Variants in EYA4 observed in about 807,000 individuals in gnomAD.
EYA4 encodes protein phosphatase EYA4.
EYA4 carries 31 observed loss-of-function variants against 87.9 expected under a neutral mutation model. The observed-to-expected ratio is 0.35, with a 90% confidence interval of 0.27 to 0.48. The LOEUF is 0.48. EYA4 is among the 20% of genes least tolerant of loss of function. EYA4 has a pLI of 0.99. For synonymous variants in EYA4, 263 were observed against 270.6 expected, an observed-to-expected ratio of 0.97 and a Z score of 0.28; for missense variants, 678 against 761.4, an observed-to-expected ratio of 0.89 and a Z score of 1.29.
intron 2 of EYA4, among the ~76,000 whole-genome samples, chr6:133,325,046 G>T (rs1234443142): frequency 2.0e-5 from 3 of 151,672 alleles, no homozygotes; most frequent in African/African-American, 7.3e-5. Context: ...GAGTAGCTGG[G>T]ACTACAGTCG....
chr6:133,334,133 T>C (rs1041804526), intron 2 of EYA4, among the ~76,000 whole-genome samples: 8 of 152,210 alleles, frequency 5.3e-5, no homozygotes, highest in African/African-American at 1.4e-4. Context: ...GAGTCAGTCT[T>C]GGGGAGGATA....
chr6:133,443,989 G>A (rs1792556255), intron 3 of EYA4, among the ~76,000 whole-genome samples: 1 of 152,158 alleles, frequency 6.6e-6, no homozygotes. Flanking sequence ...AAAATAGTGT[G>A]CATTTTATAA....
intron 1 of EYA4, among the ~76,000 whole-genome samples, chr6:133,245,624 G>A (rs926749741): frequency 4.6e-5 from 7 of 152,160 alleles, no homozygotes; most frequent in Admixed American, 1.3e-4. Context: ...GCTGTTTCAG[G>A]CATTTGCCCT....
At chr6:133,292,563 G>A (rs764272512) in intron 2 of EYA4, among the ~76,000 whole-genome samples, 8 of 152,124 alleles carry the variant, frequency 5.3e-5, no homozygotes, top group Admixed American at 2.0e-4. Flanking sequence ...TTTGCTGTTA[G>A]ATTCCATCAC....
intron 3 of EYA4, among the ~76,000 whole-genome samples, chr6:133,389,946 A>G (rs1038320575): frequency 4.6e-5 from 7 of 152,122 alleles, no homozygotes; most frequent in African/African-American, 1.2e-4. Context: ...AGGTCTTCAC[A>G]TGGCTTACAG....
At chr6:133,356,746 A>AGTGTGTGTGT (rs58234857) in intron 2 of EYA4, among the ~76,000 whole-genome samples, 2 of 136,796 alleles carry the variant, frequency 1.5e-5, no homozygotes, top group African/African-American at 2.7e-5. Context: ...AGCATTATTC[A>AGTGTGTGTGT]GTGTGTGTGT....
chr6:133,252,400 A>G (rs1431710810), intron 1 of EYA4, among the ~76,000 whole-genome samples: 3 of 152,248 alleles, frequency 2.0e-5, no homozygotes, highest in Admixed American at 6.5e-5. Context: ...GCTAGAAGAA[A>G]GTAAAAATAA....
chr6:133,469,398 C>A (rs1562458621), intron 11 of EYA4, among the ~76,000 whole-genome samples: 1 of 151,776 alleles, frequency 6.6e-6, no homozygotes. Flanking sequence ...TTAGAATAGT[C>A]AAAACTATTT....
intron 3 of EYA4, 124 bp downstream of exon 3, chr6:133,382,565 A>G (rs1786316743): frequency 1.3e-6 from 1 of 792,558 alleles, no homozygotes. Context: ...ACTTATCTTG[A>G]TGGAAACTGT....
chr6:133,289,877 A>G (rs989682459), intron 2 of EYA4, among the ~76,000 whole-genome samples: 4 of 152,236 alleles, frequency 2.6e-5, no homozygotes, highest in Non-Finnish European at 1.5e-5. Flanking sequence ...TCTCTTGGCA[A>G]GAGCTAGGAT....
At chr6:133,485,556 T>C in intron 13 of EYA4, among the ~76,000 whole-genome samples, 1 of 152,228 alleles carries the variant, frequency 6.6e-6, no homozygotes, top group East Asian at 1.9e-4. Flanking sequence ...ATGTTCTTTC[T>C]GCCATAGCAC....
At chr6:133,523,943 T>A in intron 18 of EYA4, among the ~76,000 whole-genome samples, 1 of 152,110 alleles carries the variant, frequency 6.6e-6, no homozygotes, top group Non-Finnish European at 1.5e-5. Flanking sequence ...ACAAGAGAAG[T>A]TCAAAATCCT....
intron 3 of EYA4, among the ~76,000 whole-genome samples, chr6:133,434,431 T>C (rs1464496669): frequency 6.6e-6 from 1 of 152,206 alleles, no homozygotes; most frequent in Non-Finnish European, 1.5e-5. Flanking sequence ...ATTGTAGTAA[T>C]AAAATTTATG....
chr6:133,335,992 C>A (rs1249015963), intron 2 of EYA4, among the ~76,000 whole-genome samples: 1 of 152,060 alleles, frequency 6.6e-6, no homozygotes, highest in Non-Finnish European at 1.5e-5. Context: ...TTTATTATAA[C>A]ACAAATGGAA....
chr6:133,352,066 T>G (rs1372727993), intron 2 of EYA4, among the ~76,000 whole-genome samples: 1 of 152,206 alleles, frequency 6.6e-6, no homozygotes, highest in Non-Finnish European at 1.5e-5. Context: ...ACTATAGATC[T>G]CAATCTGTTT....
intron 2 of EYA4, among the ~76,000 whole-genome samples, chr6:133,365,557 G>A (rs1038169874): frequency 6.6e-6 from 1 of 152,072 alleles, no homozygotes; most frequent in Non-Finnish European, 1.5e-5. Context: ...TTCCCACGAT[G>A]GGGCGCATGG....
chr6:133,423,159 A>G (rs1400366005), intron 3 of EYA4, among the ~76,000 whole-genome samples: 1 of 152,116 alleles, frequency 6.6e-6, no homozygotes, highest in Non-Finnish European at 1.5e-5. Flanking sequence ...GGGAGGAGAA[A>G]GAGTAAGGAA....
intron 2 of EYA4, among the ~76,000 whole-genome samples, chr6:133,321,876 T>C (rs1293766649): frequency 6.6e-6 from 1 of 152,186 alleles, no homozygotes; most frequent in Non-Finnish European, 1.5e-5. Flanking sequence ...AGGCTCATGG[T>C]CTCAGGAGCC....
intron 3 of EYA4, among the ~76,000 whole-genome samples, chr6:133,395,335 A>G (rs1486602752): frequency 6.6e-6 from 1 of 152,080 alleles, no homozygotes; most frequent in Non-Finnish European, 1.5e-5. Context: ...GAATGAATGA[A>G]TGAGGAGCTA....
Sources: allele counts gnomAD v4.1 joint callset (sites outside exome capture counted in the v4.1 genomes callset), GRCh38; gene constraint gnomAD v4.1.1; transcripts MANE v1.5; gene names NCBI Gene and HGNC (gene_info 2026-07-23, HGNC 2026-07-21).